The following CHD9 variants were observed in gnomAD, a reference collection of about 807,000 sequenced individuals.
CHD9 encodes chromodomain helicase DNA binding protein 9.
A neutral mutation model predicts 316.1 loss-of-function variants in CHD9; 77 were observed. The observed-to-expected ratio is 0.24, with a 90% CI of 0.20 to 0.29. The LOEUF is 0.29. Among genes scored for constraint, CHD9 ranks in the 10% least tolerant of loss-of-function variants. The pLI, the probability that CHD9 is intolerant of heterozygous loss-of-function variation, is 1.00. For missense variants in CHD9, 2,763 were observed against 3,438.1 expected (o/e 0.80, Z 4.91); for synonymous variants, 1,129 against 1,158.3 (o/e 0.97, Z 0.51).
At chr16:53,148,254 GT>G (rs2040802738) in intron 1 of CHD9, among the ~76,000 whole-genome samples, 1 of 152,084 alleles carries the variant, frequency 6.6e-6, no homozygotes. Context: ...GTTTGTTTTT[GT>G]TTTTTAGACA....
chr16:53,222,869 A>G (rs2152907065), intron 4 of CHD9, 114 bp downstream of exon 4: 1 of 574,072 alleles, frequency 1.7e-6, no homozygotes, highest in East Asian at 3.0e-5. Context: ...ATTTTGTAGT[A>G]TGGTAGAAGT....
At chr16:53,224,425 A>G (rs1266605021) in intron 4 of CHD9, among the ~76,000 whole-genome samples, 1 of 152,228 alleles carries the variant, frequency 6.6e-6, no homozygotes, top group Non-Finnish European at 1.5e-5. Flanking sequence ...AAAATCTTCT[A>G]TAATCTCATA....
At chr16:53,207,747 C>G (rs1440951746) in intron 2 of CHD9, among the ~76,000 whole-genome samples, 1 of 151,438 alleles carries the variant, frequency 6.6e-6, no homozygotes, top group Non-Finnish European at 1.5e-5. Flanking sequence ...ATATTGATAG[C>G]CACATAATGC....
intron 2 of CHD9, among the ~76,000 whole-genome samples, chr16:53,199,041 C>T (rs1031097770): frequency 6.6e-6 from 1 of 150,818 alleles, no homozygotes. Context: ...CATTGAGAAG[C>T]ATTACTCAGA....
At chr16:53,294,253 C>T (rs961424737) in intron 29 of CHD9, among the ~76,000 whole-genome samples, 2 of 152,110 alleles carry the variant, frequency 1.3e-5, no homozygotes, top group African/African-American at 2.4e-5. Context: ...TACCCGGGTC[C>T]TTGGATGTCC....
At chr16:53,318,591 G>T (rs2057047936) in intron 37 of CHD9, among the ~76,000 whole-genome samples, 1 of 152,196 alleles carries the variant, frequency 6.6e-6, no homozygotes, top group Non-Finnish European at 1.5e-5. Flanking sequence ...GCACATGATT[G>T]TACACTTATA....
At chr16:53,141,760 A>C (rs2040127345) in intron 1 of CHD9, among the ~76,000 whole-genome samples, 1 of 147,564 alleles carries the variant, frequency 6.8e-6, no homozygotes, top group Non-Finnish European at 1.5e-5. Context: ...TATGGAATAC[A>C]AAAAAAAAAT....
chr16:53,144,727 T>C (rs1185678847), intron 1 of CHD9, among the ~76,000 whole-genome samples: 1 of 152,144 alleles, frequency 6.6e-6, no homozygotes, highest in Non-Finnish European at 1.5e-5. Flanking sequence ...GGTTTCATTA[T>C]GTAGGCCAGG....
intron 1 of CHD9, among the ~76,000 whole-genome samples, chr16:53,098,475 CA>C (rs35249810): frequency 0.33 from 34,344 of 105,530 alleles, 4,630 homozygotes; most frequent in Non-Finnish European, 0.4. Flanking sequence ...GACTCCGTCT[CA>C]AAAAAAAAAA....
At position 53,174,137 on chromosome 16, in the gene CHD9, A is replaced by G. The variant is rs372882479; in HGVS notation, c.1452+16596A>G. Among the ~76,000 whole-genome samples, 3 of 152,328 alleles carry G rather than the reference A, an allele frequency of 2.0e-5. No homozygotes were observed. The South Asian group carries it at 6.2e-4, about 32-fold the overall frequency. On this transcript the variant is annotated intron_variant, in intron 2 of 38. Transcript: ENST00000447540. The stretch of plus-strand genomic sequence containing the variant: ...CTCTCTACAAAAAAATACAAAAATT[A>G]GCTGGGTTTGGTGGCATGCACCTGT...
At chr16:53,261,625 C>T (rs1041518209) in intron 19 of CHD9, among the ~76,000 whole-genome samples, 5 of 152,048 alleles carry the variant, frequency 3.3e-5, no homozygotes, top group African/African-American at 1.2e-4. Flanking sequence ...AATCCTCCTG[C>T]CTTGGCCTCC....
At position 53,290,956 on chromosome 16, in the gene CHD9, A is replaced by G. The variant is rs181061920; in HGVS notation, c.5248-769A>G. Among the ~76,000 whole-genome samples the G allele has an allele frequency of 5.9e-5, 9 of 152,322 alleles. No homozygotes were observed. In the East Asian group the frequency reaches 1.3e-3, roughly 23 times the overall value. On this transcript the variant is annotated intron_variant, in intron 27 of 38. Transcript: ENST00000447540. ...AGACTAGAGACAATAAGAAAGAAGC[A>G]CTATGAAGAGATAGCAGCTGAGAAT...
chr16:53,074,641 A>T (rs886396404), intron 1 of CHD9, among the ~76,000 whole-genome samples: 1 of 152,208 alleles, frequency 6.6e-6, no homozygotes, highest in Non-Finnish European at 1.5e-5. Flanking sequence ...AGCTTGGGCC[A>T]TGGCTTCGGA....
At chr16:53,310,926 C>T (rs537044544) in intron 34 of CHD9, 1 of 150,954 alleles carries the variant, frequency 6.6e-6, no homozygotes, top group East Asian at 1.9e-4. Context: ...GTGGCTCACA[C>T]CCGTAATCCC....
chr16:53,253,154 C>T (rs992147580), intron 17 of CHD9, among the ~76,000 whole-genome samples: 11 of 151,968 alleles, frequency 7.2e-5, no homozygotes, highest in African/African-American at 2.7e-4. Flanking sequence ...AACCCAAATG[C>T]CCATCAATCA....
At chr16:53,305,169 C>A (rs1405074662) in intron 31 of CHD9, among the ~76,000 whole-genome samples, 1 of 152,182 alleles carries the variant, frequency 6.6e-6, no homozygotes, top group African/African-American at 2.4e-5. Context: ...TCAAGCGATT[C>A]TCCTGCCTCA....
At chr16:53,129,560 C>G (rs1441205147) in intron 1 of CHD9, among the ~76,000 whole-genome samples, 1 of 152,246 alleles carries the variant, frequency 6.6e-6, no homozygotes, top group Non-Finnish European at 1.5e-5. Flanking sequence ...GCAAATACCA[C>G]TGTGTATACC....
At chr16:53,189,534 C>A (rs8062703) in intron 2 of CHD9, among the ~76,000 whole-genome samples, 28,628 of 150,994 alleles carry the variant, frequency 0.19, 2,997 homozygotes, top group South Asian at 0.3. Context: ...ATCTCTCTCT[C>A]TATATATATA....
At chr16:53,160,405 T>C (rs2041826950) in intron 2 of CHD9, among the ~76,000 whole-genome samples, 2 of 152,176 alleles carry the variant, frequency 1.3e-5, no homozygotes, top group Admixed American at 1.3e-4. Context: ...TCTCTAATGC[T>C]AGCATGTAGA....
Sources: gnomAD v4.1 joint callset for allele counts (sites outside exome capture counted in the v4.1 genomes callset) on GRCh38, gnomAD v4.1.1 for gene constraint, MANE v1.5 for transcripts, NCBI Gene and HGNC (gene_info 2026-07-23, HGNC 2026-07-21) for gene names.